SPATA13: variants seen among roughly 807,000 people sequenced by gnomAD.
The protein encoded by SPATA13 is spermatogenesis associated 13.
In SPATA13, 50 loss-of-function variants were observed where a neutral mutation model predicts 104.0. The observed-to-expected ratio is 0.48, with a 90% CI of 0.38 to 0.61. The LOEUF is 0.61. Among genes scored for constraint, SPATA13 ranks in the 20% least tolerant of loss-of-function variants. SPATA13 has a pLI of 0.00. For missense variants in SPATA13, 1,524 were observed against 1,690.6 expected, an observed-to-expected ratio of 0.90 and a Z score of 1.73; for synonymous variants, 606 against 667.5, an observed-to-expected ratio of 0.91 and a Z score of 1.42.
At chr13:24,163,473 G>A (rs1207683290) in intron 1 of SPATA13, among the ~76,000 whole-genome samples, 6 of 152,154 alleles carry the variant, frequency 3.9e-5, no homozygotes, top group Admixed American at 6.5e-5. Flanking sequence ...TGAGAGTTCC[G>A]TTTCACTTTA....
intron 1 of SPATA13, among the ~76,000 whole-genome samples, chr13:24,174,393 T>C (rs1051806624): frequency 3.3e-5 from 5 of 151,980 alleles, no homozygotes; most frequent in Non-Finnish European, 7.4e-5. Flanking sequence ...TTGCTTTTTT[T>C]TTCTAGATTT....
chr13:24,024,718 A>G (rs1436442241), intron 3 of SPATA13, among the ~76,000 whole-genome samples: 2 of 151,286 alleles, frequency 1.3e-5, no homozygotes, highest in Non-Finnish European at 2.9e-5. Flanking sequence ...TGTTATATAT[A>G]TAGTAAAACT....
chr13:24,007,941 T>C (rs1876305082), intron 2 of SPATA13, among the ~76,000 whole-genome samples: 1 of 152,192 alleles, frequency 6.6e-6, no homozygotes, highest in Non-Finnish European at 1.5e-5. Flanking sequence ...AGAAATTAGC[T>C]CTACCTCAAG....
At chr13:24,059,376 A>C (rs1387182214) in intron 3 of SPATA13, among the ~76,000 whole-genome samples, 1 of 151,898 alleles carries the variant, frequency 6.6e-6, no homozygotes, top group East Asian at 1.9e-4. Flanking sequence ...GATTGTTCTC[A>C]GTACTAATGT....
At chr13:24,087,190 G>A (rs1179342064) in intron 3 of SPATA13, among the ~76,000 whole-genome samples, 1 of 152,134 alleles carries the variant, frequency 6.6e-6, no homozygotes, top group Non-Finnish European at 1.5e-5. Context: ...CCCAGAGCCT[G>A]CCAGCCCAGG....
chr13:24,290,525 CCTT>C (rs931573238), intron 8 of SPATA13, 124 bp from the exon 9 acceptor site: 1 of 735,082 alleles, frequency 1.4e-6, no homozygotes. Context: ...CATGCCCTGT[CCTT>C]CTTGCAGTAG....
At chr13:24,230,252 G>A (rs1872183830) in intron 2 of SPATA13, among the ~76,000 whole-genome samples, 1 of 152,226 alleles carries the variant, frequency 6.6e-6, no homozygotes, top group Non-Finnish European at 1.5e-5. Context: ...AACAGAAGGG[G>A]TTGAAACAAA....
At chr13:24,241,893 A>T (rs1872857268) in intron 2 of SPATA13, among the ~76,000 whole-genome samples, 1 of 152,068 alleles carries the variant, frequency 6.6e-6, no homozygotes, top group African/African-American at 2.4e-5. Flanking sequence ...TCTCTACAGA[A>T]AATTTAAAAA....
At chr13:24,169,888 G>A (rs1214962574) in intron 1 of SPATA13, among the ~76,000 whole-genome samples, 1 of 152,210 alleles carries the variant, frequency 6.6e-6, no homozygotes, top group Non-Finnish European at 1.5e-5. Flanking sequence ...CTCAGGGCAT[G>A]AGCACTTCTG....
intron 3 of SPATA13, among the ~76,000 whole-genome samples, chr13:24,106,026 T>C (rs1880436997): frequency 1.3e-5 from 2 of 152,344 alleles, no homozygotes; most frequent in Admixed American, 6.5e-5. Flanking sequence ...TGTGGTACTT[T>C]ATTACAGCAG....
At chr13:24,247,999 T>C (rs953368043) in intron 2 of SPATA13, among the ~76,000 whole-genome samples, 1 of 152,202 alleles carries the variant, frequency 6.6e-6, no homozygotes, top group Non-Finnish European at 1.5e-5. Flanking sequence ...GTCTGCCTTC[T>C]CTGGTGGTTC....
chr13:24,265,317 C>A (rs1356938694), intron 4 of SPATA13, among the ~76,000 whole-genome samples: 1 of 152,188 alleles, frequency 6.6e-6, no homozygotes, highest in Non-Finnish European at 1.5e-5. Context: ...CCCTGTGTTA[C>A]GTTCAATGCC....
At chr13:24,122,463 C>T (rs905110218) in intron 3 of SPATA13, 13 of 1,607,650 alleles carry the variant, frequency 8.1e-6, no homozygotes, top group African/African-American at 2.7e-5. Context: ...CACCAGCCTG[C>T]TTAGCCAGAA....
In SPATA13 at chr13:24,223,223, C is replaced by T; in HGVS notation, c.294C>T (p.Asn98=). ...CCCACTCCATGGTCCTGGTGGGGAACTCCTCCACATGGAACACCCTCGCCT... is the reference window on the plus strand; with the variant it reads ...CCCACTCCATGGTCCTGGTGGGGAATTCCTCCACATGGAACACCCTCGCCT... ...ERPHSMVLVG[N]SSTWNTLASF... Residue 98 remains asparagine (N), a synonymous_variant, in exon 2 of 13, where the codon AAC becomes AAT. Coordinates refer to ENST00000382108, the MANE Select transcript of SPATA13 (RefSeq NM_001166271.3). 3 of 1,551,716 alleles carry T rather than the reference C, an allele frequency of 1.9e-6. No individual in the cohort carries two copies. Among genetic ancestry groups the T allele is most frequent in the South Asian group, 2.4e-5 (2 of 84,064 alleles).
At chr13:24,080,366 A>C (rs1247198482) in intron 3 of SPATA13, among the ~76,000 whole-genome samples, 1 of 152,262 alleles carries the variant, frequency 6.6e-6, no homozygotes, top group Non-Finnish European at 1.5e-5. Flanking sequence ...GCAGGAACCA[A>C]CGACTTACTA....
At chr13:24,203,092 G>A (rs1373245574) in intron 1 of SPATA13, among the ~76,000 whole-genome samples, 1 of 152,002 alleles carries the variant, frequency 6.6e-6, no homozygotes, top group Non-Finnish European at 1.5e-5. Flanking sequence ...ATTAAGCCCA[G>A]CATCCATTAG....
intron 10 of SPATA13, among the ~76,000 whole-genome samples, chr13:24,297,012 TTTGTTGTTGTTGTTGTTTGTTTGTTTG>T (rs1876832351): frequency 6.6e-6 from 1 of 151,922 alleles, no homozygotes; most frequent in African/African-American, 2.4e-5. Flanking sequence ...GGAGTTTGTT[TTTGTTGTTGTTGTTGTTTGTTTGTTTG>T]TTGTTGTTGT....
intron 3 of SPATA13, among the ~76,000 whole-genome samples, chr13:24,068,712 A>T (rs553449147): frequency 1.3e-5 from 2 of 152,244 alleles, no homozygotes; most frequent in South Asian, 4.2e-4. Flanking sequence ...AGCCATTCTG[A>T]CTGGCATGAG....
At chr13:24,299,206 G>A (rs896207677) in intron 11 of SPATA13, among the ~76,000 whole-genome samples, 3 of 152,168 alleles carry the variant, frequency 2.0e-5, no homozygotes, top group Admixed American at 2.0e-4. Flanking sequence ...TCCCAAAGAC[G>A]GCACTATTTA....
Sources: gnomAD v4.1 joint callset for allele counts (sites outside exome capture counted in the v4.1 genomes callset) on GRCh38, gnomAD v4.1.1 for gene constraint, MANE v1.5 for transcripts, NCBI Gene and HGNC (gene_info 2026-07-23, HGNC 2026-07-21) for gene names.